The following TOPAZ1 variants were observed in gnomAD, a reference collection of about 807,000 sequenced individuals.
TOPAZ1 encodes the protein protein TOPAZ1.
In TOPAZ1, 66 loss-of-function variants were observed where a neutral mutation model predicts 172.2. The ratio of observed to expected loss-of-function variants is 0.38; its 90% CI spans 0.31 to 0.47. The LOEUF (loss-of-function observed/expected upper bound fraction) is 0.47, where lower values mean the gene tolerates loss of function less well. TOPAZ1 is among the 20% of genes least tolerant of loss of function. TOPAZ1 has a pLI of 0.99. For synonymous variants in TOPAZ1, 681 were observed against 683.9 expected, an observed-to-expected ratio of 1.00 and a Z score of 0.07; for missense variants, 1,822 against 1,972.4, an observed-to-expected ratio of 0.92 and a Z score of 1.44.
intron 4 of TOPAZ1, among the ~76,000 whole-genome samples, chr3:44,257,135 C>T (rs1261987126): frequency 1.3e-4 from 19 of 151,820 alleles, no homozygotes; most frequent in Non-Finnish European, 2.8e-4. Context: ...TTGAGACCAG[C>T]TTGAGCAACA....
intron 11 of TOPAZ1, among the ~76,000 whole-genome samples, chr3:44,289,771 C>G (rs1328772849): frequency 6.6e-6 from 1 of 152,112 alleles, no homozygotes; most frequent in Non-Finnish European, 1.5e-5. Flanking sequence ...GTTTTGTTAT[C>G]CTACCCCAAA....
rs1305793693 is a variant in TOPAZ1 at position 44,244,406 on chromosome 3, G to A, written c.1900G>A (p.Gly634Arg). 2 of 1,551,324 alleles carry A rather than the reference G, an allele frequency of 1.3e-6. No homozygotes were observed. The highest frequency in any genetic ancestry group is 2.4e-5 in the South Asian group (2 of 83,908). The change falls in exon 2 of 20, where the codon GGA becomes AGA. Residue 634 changes from glycine to arginine, a missense_variant. Coordinates refer to ENST00000309765, the MANE Select transcript of TOPAZ1 (RefSeq NM_001145030.2). ...AACGGGAAATAAAAAAAAAGCTAGA[G>A]GAAATTTAACGAAACTTAATTTGAC... The part of the protein sequence containing the change: ...SLTGNKKKAR[G>R]NLTKLNLTAT...
chr3:44,286,191 G>A (rs1223225433), intron 9 of TOPAZ1, among the ~76,000 whole-genome samples: 1 of 152,040 alleles, frequency 6.6e-6, no homozygotes, highest in African/African-American at 2.4e-5. Context: ...CTCCAGCCTG[G>A]GTGACAGAGC....
At chr3:44,279,028 G>A (rs1460945843) in intron 8 of TOPAZ1, among the ~76,000 whole-genome samples, 1 of 151,674 alleles carries the variant, frequency 6.6e-6, no homozygotes, top group African/African-American at 2.4e-5. Flanking sequence ...TTGGTATTTT[G>A]TTTTCTCATT....
chr3:44,271,905 C>G (rs1277645001), intron 8 of TOPAZ1, among the ~76,000 whole-genome samples: 1 of 152,112 alleles, frequency 6.6e-6, no homozygotes, highest in Non-Finnish European at 1.5e-5. Context: ...TCTCCCCATT[C>G]CCCTAACCAC....
chr3:44,297,153 G>A (rs372506246), intron 12 of TOPAZ1, among the ~76,000 whole-genome samples: 9 of 42,746 alleles, frequency 2.1e-4, no homozygotes, highest in African/African-American at 3.7e-4. Flanking sequence ...CCTGGACAAC[G>A]AGTGAAAGTC....
intron 15 of TOPAZ1, among the ~76,000 whole-genome samples, chr3:44,307,345 T>C (rs949309651): frequency 1.3e-4 from 20 of 152,072 alleles, no homozygotes; most frequent in African/African-American, 4.6e-4. Context: ...TAAGATGAAC[T>C]CAGAATACTC....
chr3:44,324,576 AT>A (rs1700576450), intron 18 of TOPAZ1, among the ~76,000 whole-genome samples: 1 of 152,206 alleles, frequency 6.6e-6, no homozygotes, highest in Non-Finnish European at 1.5e-5. Flanking sequence ...AAATATTTCT[AT>A]TTTTTAGTTG....
At chr3:44,307,608 A>G (rs4682738) in intron 15 of TOPAZ1, among the ~76,000 whole-genome samples, 127,626 of 151,982 alleles carry the variant, frequency 0.84, 53,664 homozygotes, top group Middle Eastern at 0.93. Context: ...TATAGAGAGT[A>G]GAGTAGAGAG....
intron 12 of TOPAZ1, among the ~76,000 whole-genome samples, chr3:44,303,637 C>A (rs921590562): frequency 6.6e-6 from 1 of 151,920 alleles, no homozygotes; most frequent in Non-Finnish European, 1.5e-5. Context: ...TTGTTTTGGT[C>A]TTTGATTGCC....
At chr3:44,285,227 C>T (rs1207021966) in intron 9 of TOPAZ1, among the ~76,000 whole-genome samples, 2 of 152,142 alleles carry the variant, frequency 1.3e-5, no homozygotes, top group African/African-American at 2.4e-5. Context: ...CTCTGGGAGC[C>T]TGAGGTGGGT....
intron 16 of TOPAZ1, among the ~76,000 whole-genome samples, chr3:44,314,192 G>C (rs1700427939): frequency 6.6e-6 from 1 of 152,082 alleles, no homozygotes; most frequent in African/African-American, 2.4e-5. Context: ...CTCCCAAAGT[G>C]CTGGGATTAC....
intron 4 of TOPAZ1, among the ~76,000 whole-genome samples, chr3:44,257,471 TG>T (rs1012549664): frequency 1.5e-3 from 4 of 2,628 alleles, no homozygotes; most frequent in Non-Finnish European, 3.1e-3. Flanking sequence ...ATATATATAG[TG>T]TGTGTGTGTG....
intron 9 of TOPAZ1, among the ~76,000 whole-genome samples, chr3:44,286,171 T>A (rs775290807): frequency 1.3e-5 from 2 of 151,628 alleles, no homozygotes; most frequent in Non-Finnish European, 2.9e-5. Context: ...GCTGAGATCA[T>A]GCCACTGCAC....
rs115816834 is a variant in TOPAZ1, at chr3:44,270,084, A to G, written c.3247-601A>G. Reference sequence around the variant, plus strand: ...ATCCAAAACAGAAAAAACAGGCTGAATACTTTTCTGTGATGAAAGAGAAAG... The same window carrying G: ...ATCCAAAACAGAAAAAACAGGCTGAGTACTTTTCTGTGATGAAAGAGAAAG... On this transcript the variant is annotated intron_variant, in intron 7 of 19. Transcript: ENST00000309765. Among the ~76,000 whole-genome samples, 396 of 152,336 alleles carry G rather than the reference A, an allele frequency of 2.6e-3. 1 individual carries two copies. Among genetic ancestry groups the G allele is most frequent in the Non-Finnish European group, 3.8e-3 (259 of 68,034 alleles).
chr3:44,321,893 C>G (rs1425824324), intron 17 of TOPAZ1, among the ~76,000 whole-genome samples: 1 of 152,142 alleles, frequency 6.6e-6, no homozygotes, highest in Non-Finnish European at 1.5e-5. Context: ...TGGCTGCTAT[C>G]TAGCAATCTC....
chr3:44,305,245 T>C lies in TOPAZ1; in HGVS notation c.3963T>C (p.Ala1321=), dbSNP rs2125699820. The C allele has an allele frequency of 6.5e-7, 1 of 1,548,666 alleles. No individual in the cohort carries two copies. Among genetic ancestry groups the C allele is most frequent in the Non-Finnish European group, 8.7e-7 (1 of 1,146,178 alleles). ...EKFADFQTFC[A]CIAETLTKNY... is the part of the protein sequence containing the mutation. ...TTGCAGATTTCCAGACATTTTGTGC[T>C]TGCATTGCTGAAACACTCACAAAAA... is the stretch of plus-strand genomic sequence containing the variant. The change falls in exon 14 of 20, where the codon GCT becomes GCC. Residue 1321 remains alanine, a synonymous_variant. Coordinates refer to ENST00000309765, the MANE Select transcript of TOPAZ1 (RefSeq NM_001145030.2).
At chr3:44,276,278 A>G (rs988513932) in intron 8 of TOPAZ1, among the ~76,000 whole-genome samples, 2 of 152,088 alleles carry the variant, frequency 1.3e-5, no homozygotes, top group South Asian at 2.1e-4. Context: ...CCAATGTCCT[A>G]TAGTATCTCC....
chr3:44,285,157 C>A (rs2125692132), intron 9 of TOPAZ1, among the ~76,000 whole-genome samples: 1 of 152,194 alleles, frequency 6.6e-6, no homozygotes, highest in Admixed American at 6.5e-5. Flanking sequence ...TATGAATTGA[C>A]AACCCTTTTT....
Sources: gnomAD v4.1 joint callset for allele counts (sites outside exome capture counted in the v4.1 genomes callset) on GRCh38, gnomAD v4.1.1 for gene constraint, MANE v1.5 for transcripts, NCBI Gene and HGNC (gene_info 2026-07-23, HGNC 2026-07-21) for gene names.